FAM193B: variants seen among roughly 807,000 people sequenced by gnomAD.
FAM193B encodes the protein family with sequence similarity 193 member B, also known as protein FAM193B.
In FAM193B, 27 loss-of-function variants were observed where a neutral mutation model predicts 70.7. That is an observed-to-expected ratio of 0.38 (90% CI 0.28 to 0.53). FAM193B has a LOEUF of 0.53. Among genes scored for constraint, FAM193B ranks in the 20% least tolerant of loss-of-function variants. The pLI, the probability that FAM193B is intolerant of heterozygous loss-of-function variation, is 0.81. For missense variants in FAM193B, 1,022 were observed against 1,072.5 expected, an observed-to-expected ratio of 0.95 and a Z score of 0.66; for synonymous variants, 448 against 436.0, an observed-to-expected ratio of 1.03 and a Z score of -0.34.
intron 1 of FAM193B, among the ~76,000 whole-genome samples, chr5:177,543,861 A>G (rs1459341764): frequency 6.6e-6 from 1 of 152,262 alleles, no homozygotes; most frequent in African/African-American, 2.4e-5. Context: ...CTGGCACAGT[A>G]TTCCTACACA....
chr5:177,523,157 A>T, intron 7 of FAM193B: 1 of 331,516 alleles, frequency 3.0e-6, no homozygotes, highest in South Asian at 2.1e-5. Flanking sequence ...GTGCCACCAT[A>T]CCTGCCTTAT....
intron 5 of FAM193B, among the ~76,000 whole-genome samples, chr5:177,528,439 C>CA (rs1561757289): frequency 6.6e-6 from 1 of 151,868 alleles, no homozygotes; most frequent in Non-Finnish European, 1.5e-5. Context: ...AGTTTGCTTC[C>CA]AAAAAAGAGA....
Position 177,524,202 on chromosome 5 carries a change from T to C in FAM193B, c.2279A>G (p.Lys760Arg). Residue 760 changes from lysine to arginine, a missense_variant, in exon 6 of 9, where the codon AAG (lysine) becomes AGG (arginine). By Grantham distance (26) the Lys-to-Arg change is conservative (BLOSUM62 2). Coordinates refer to ENST00000514747, the MANE Select transcript of FAM193B (RefSeq NM_001190946.3). ...GCACTCACCCAAGGAGGAGGCTGGC[T>C]TCTCCTGCTTGTTGCGGCTCCGGCG... ...RSRRSRNKQE[K>R]PASSLDDVFL... 6.4e-7 allele frequency: 1 copy of C among 1,556,626 alleles called. No homozygotes were observed. Among genetic ancestry groups the C allele is most frequent in the South Asian group, 1.2e-5 (1 of 82,694 alleles).
Position 177,539,124 on chromosome 5 carries a change from A to AGGCT in FAM193B, c.230_233dup (p.Val79AlafsTer30). 6.3e-7 allele frequency: 1 copy of AGGCT among 1,590,448 alleles called. No individual in the cohort carries two copies. The highest frequency in any genetic ancestry group is 8.6e-7 in the Non-Finnish European group (1 of 1,167,808). On this transcript the variant is annotated frameshift_variant, in exon 2 of 9. Transcript: ENST00000514747. LOFTEE classifies it high-confidence loss of function. ...GACACAGCAGGCAGCAAGTCTGCAC[A>AGGCT]GGCTGGCTGGAGGCGGGGGGGACCT...
At position 177,554,524 on chromosome 5, in the gene FAM193B, G is replaced by GCTA. The variant is rs1384095679; in HGVS notation, c.-67_-66insTAG. The GCTA allele has an allele frequency of 3.3e-6, 3 of 915,302 alleles. No individual in the cohort carries two copies. Among genetic ancestry groups the GCTA allele is most frequent in the African/African-American group, 1.8e-5 (1 of 55,352 alleles). The allele number at this position is 915,302 out of a possible 1,614,324, so 56.7% of individuals were successfully genotyped here. On this transcript the variant is annotated 5_prime_UTR_variant, in exon 1 of 9. Coordinates refer to ENST00000514747, the MANE Select transcript of FAM193B (RefSeq NM_001190946.3). ...CGCCGCCGCCGCCGCCGCCGCCGCC[G>GCTA]CCGCCGCTACCGCTCCCCTCACAGG... is the stretch of plus-strand genomic sequence containing the variant.
At chr5:177,531,565 G>C in intron 5 of FAM193B, 1 of 1,227,404 alleles carries the variant, frequency 8.1e-7, no homozygotes, top group Non-Finnish European at 1.1e-6. Context: ...CTGGGCCTGG[G>C]GGGCCCACAG....
chr5:177,552,163 C>G, intron 1 of FAM193B: 10 of 735,808 alleles, frequency 1.4e-5, no homozygotes, highest in Non-Finnish European at 1.7e-5. Context: ...ATTATATCCT[C>G]CAGTTTGTTG....
At chr5:177,530,442 G>C (rs1477644359) in intron 5 of FAM193B, among the ~76,000 whole-genome samples, 1 of 152,114 alleles carries the variant, frequency 6.6e-6, no homozygotes, top group Non-Finnish European at 1.5e-5. Flanking sequence ...TCCCTCTCCT[G>C]CCATCAGATC....
Position 177,554,104 on chromosome 5 carries a change from G to A in FAM193B, c.210+145C>T, listed in dbSNP as rs968750329. On this transcript the variant is annotated intron_variant, in intron 1 of 8. Transcript: ENST00000514747. Reference sequence around the variant, plus strand: ...GTCCAGCCTCCATTCCCGCCCCGGGGGAGAAAGCTTCGGCGCCGGACCCGG... The same window carrying A: ...GTCCAGCCTCCATTCCCGCCCCGGGAGAGAAAGCTTCGGCGCCGGACCCGG... 4.3e-6 allele frequency: 6 copies of A among 1,398,398 alleles called. No individual in the cohort carries two copies. In the Admixed American group the frequency reaches 7.8e-5, roughly 18 times the overall value. The allele number at this position is 1,398,398 out of a possible 1,614,324, so 86.6% of individuals were successfully genotyped here.
At chr5:177,531,534 G>C in intron 5 of FAM193B, 1 of 1,280,700 alleles carries the variant, frequency 7.8e-7, no homozygotes, top group Non-Finnish European at 1.0e-6. Flanking sequence ...GGGGGTGGGG[G>C]GGAGGTGCTG....
At chr5:177,544,148 TG>T (rs1270972332) in intron 1 of FAM193B, among the ~76,000 whole-genome samples, 1 of 152,222 alleles carries the variant, frequency 6.6e-6, no homozygotes, top group Non-Finnish European at 1.5e-5. Flanking sequence ...CCAGAATCTC[TG>T]GAGAGTGTGA....
At chr5:177,553,787 G>A (rs1046837718) in intron 1 of FAM193B, 89 of 1,287,110 alleles carry the variant, frequency 6.9e-5, no homozygotes, top group Non-Finnish European at 8.7e-5. Context: ...TGCTGAGGGG[G>A]CCGCGGCTGC....
intron 8 of FAM193B, among the ~76,000 whole-genome samples, 163 bp downstream of exon 8, chr5:177,521,811 G>A (rs1036886312): frequency 5.3e-5 from 8 of 152,192 alleles, no homozygotes; most frequent in Non-Finnish European, 1.2e-4. Flanking sequence ...ACCTTTGGAG[G>A]CTGTAGCCTG....
At chr5:177,527,001 C>T (rs766461420) in intron 5 of FAM193B, among the ~76,000 whole-genome samples, 7 of 152,180 alleles carry the variant, frequency 4.6e-5, no homozygotes, top group Non-Finnish European at 1.0e-4. Flanking sequence ...GAAGAAAGCA[C>T]GGGGTGATCT....
In FAM193B at chr5:177,536,655, G is replaced by C; in HGVS notation, c.779C>G (p.Ser260Cys). 2.6e-6 allele frequency: 4 copies of C among 1,565,790 alleles called. No homozygotes were observed. Among genetic ancestry groups the C allele is most frequent in the Non-Finnish European group, 3.4e-6 (4 of 1,161,226 alleles). ...SPTGHHPQPA[S>C]LIPSHPSSFG... is the part of the protein sequence containing the mutation. ...GGAGCTGGGGTGAGACGGGATTAGAGATGCTGGCTGCGGGTGGTGGCCGGT... is the reference window on the plus strand; with the variant it reads ...GGAGCTGGGGTGAGACGGGATTAGACATGCTGGCTGCGGGTGGTGGCCGGT... The change falls in exon 4 of 9, where the codon TCT becomes TGT. Residue 260 changes from serine (S) to cysteine (C), a missense_variant. By Grantham distance (112) the Ser-to-Cys change is moderately radical. Transcript: ENST00000514747.
intron 7 of FAM193B, among the ~76,000 whole-genome samples, chr5:177,523,743 C>G (rs1487197544): frequency 6.6e-6 from 1 of 152,270 alleles, no homozygotes; most frequent in Non-Finnish European, 1.5e-5. Context: ...CCTCCTATCT[C>G]TTGCACCTTC....
Position 177,538,900 on chromosome 5 carries a change from C to G in FAM193B, c.453+5G>C. On this transcript the variant is annotated splice_donor_5th_base_variant and intron_variant, in intron 2 of 8. Coordinates refer to ENST00000514747, the MANE Select transcript of FAM193B (RefSeq NM_001190946.3). This position sits in a 1 kb window ranked among gnomAD's most constrained non-coding sequence, Gnocchi z 4.1. ...ATTCAGGGACCCCTGTCAGCGGTTA[C>G]CTACCGCCACTGCATGTTCTCGACC... 1 of 1,613,842 alleles carries G rather than the reference C, an allele frequency of 6.2e-7. No homozygotes were observed. The highest frequency in any genetic ancestry group is 8.5e-7 in the Non-Finnish European group (1 of 1,179,768).
chr5:177,548,694 GATTATT>G (rs1006296400), intron 1 of FAM193B, among the ~76,000 whole-genome samples: 31 of 152,300 alleles, frequency 2.0e-4, no homozygotes, highest in African/African-American at 7.0e-4. Context: ...GGGATCTGAT[GATTATT>G]AGCTTGGGGC....
At chr5:177,549,445 G>C (rs1226483060) in intron 1 of FAM193B, among the ~76,000 whole-genome samples, 1 of 151,922 alleles carries the variant, frequency 6.6e-6, no homozygotes, top group South Asian at 2.1e-4. Context: ...CTCCCGCCTC[G>C]GCCTCCCAAA....
Sources: allele counts gnomAD v4.1 joint callset (sites outside exome capture counted in the v4.1 genomes callset), GRCh38; gene constraint gnomAD v4.1.1; non-coding constraint Gnocchi (gnomAD v3.1); transcripts MANE v1.5; gene names NCBI Gene and HGNC (gene_info 2026-07-23, HGNC 2026-07-21).